Variants in ADGRL3 observed in about 807,000 individuals in gnomAD.
The protein encoded by ADGRL3 is adhesion G protein-coupled receptor L3.
Under a neutral mutation model 153.5 loss-of-function variants are expected in ADGRL3, and 62 were observed. That is an observed-to-expected ratio of 0.40 (90% confidence interval 0.33 to 0.50). ADGRL3 has a LOEUF of 0.50. Among genes scored for constraint, ADGRL3 ranks in the 20% least tolerant of loss-of-function variants. ADGRL3 has a pLI of 0.47. For synonymous variants in ADGRL3, 710 were observed against 672.5 expected, an observed-to-expected ratio of 1.06 and a Z score of -0.86; for missense variants, 1,641 against 1,859.4, an observed-to-expected ratio of 0.88 and a Z score of 2.16.
intron 9 of ADGRL3, among the ~76,000 whole-genome samples, chr4:61,847,981 ATATAT>A (rs1178992281): frequency 2.6e-4 from 3 of 11,364 alleles, no homozygotes; most frequent in Non-Finnish European, 4.5e-4. Context: ...ATAATATAAA[ATATAT>A]TATATATATA....
chr4:61,311,898 T>G (rs1394746287), intron 1 of ADGRL3, among the ~76,000 whole-genome samples: 1 of 152,112 alleles, frequency 6.6e-6, no homozygotes, highest in Non-Finnish European at 1.5e-5. Context: ...CTTCAGGTGA[T>G]AAGGATGTGT....
intron 4 of ADGRL3, among the ~76,000 whole-genome samples, chr4:61,525,976 T>C (rs928268439): frequency 2.0e-5 from 3 of 151,896 alleles, no homozygotes; most frequent in Non-Finnish European, 4.4e-5. Flanking sequence ...GATAAAGAGA[T>C]TGATTGGGGA....
chr4:61,204,725 A>C (rs978252898), intron 1 of ADGRL3, among the ~76,000 whole-genome samples: 1 of 152,204 alleles, frequency 6.6e-6, no homozygotes, highest in African/African-American at 2.4e-5. Flanking sequence ...GATTAACTCA[A>C]AGTTTTATAT....
At chr4:61,639,310 T>C (rs2093563928) in intron 5 of ADGRL3, among the ~76,000 whole-genome samples, 1 of 152,144 alleles carries the variant, frequency 6.6e-6, no homozygotes, top group South Asian at 2.1e-4. Context: ...GTCTTAGGTG[T>C]AAGATATGAG....
chr4:61,626,692 A>G (rs931931198), intron 5 of ADGRL3, among the ~76,000 whole-genome samples: 2 of 152,138 alleles, frequency 1.3e-5, no homozygotes, highest in African/African-American at 4.8e-5. Context: ...CTAGTTTTAA[A>G]GTGATATAGA....
At chr4:61,487,860 G>T (rs1365135216) in intron 2 of ADGRL3, among the ~76,000 whole-genome samples, 1 of 151,898 alleles carries the variant, frequency 6.6e-6, no homozygotes, top group East Asian at 1.9e-4. Flanking sequence ...AATTATTGGG[G>T]AGTCAAGCAA....
Position 62,077,211 on chromosome 4 carries a change from A to G in ADGRL3, c.*6303A>G, listed in dbSNP as rs914120861. On this transcript the variant is annotated 3_prime_UTR_variant, in exon 27 of 27. Coordinates refer to ENST00000683033, the MANE Select transcript of ADGRL3 (RefSeq NM_001387552.1). ...GAAGAGGAAAGTAAAGCAGACTTCT[A>G]ACTATTTAATTTAAACATTGCCATT... 1.3e-5 allele frequency: 2 copies of G among 151,960 alleles called. No individual in the cohort carries two copies. Among genetic ancestry groups the G allele is most frequent in the Admixed American group, 6.6e-5 (1 of 15,234 alleles). 9.4% of individuals were successfully genotyped at this position (151,960 alleles called of 1,614,324 possible). A position where few individuals can be genotyped will look rare whatever the true frequency, so the allele number is the denominator to read the frequency against.
chr4:61,745,858 A>G (rs1231543216), intron 8 of ADGRL3, among the ~76,000 whole-genome samples: 2 of 152,286 alleles, frequency 1.3e-5, no homozygotes, highest in Admixed American at 1.3e-4. Flanking sequence ...CACACATAAC[A>G]ATATTAACTT....
intron 5 of ADGRL3, among the ~76,000 whole-genome samples, chr4:61,596,395 T>C (rs1328741301): frequency 6.6e-6 from 1 of 152,204 alleles, no homozygotes; most frequent in Non-Finnish European, 1.5e-5. Flanking sequence ...AACCTTTTGC[T>C]AATAAGTTAT....
chr4:61,416,616 G>A (rs75363906), intron 2 of ADGRL3, among the ~76,000 whole-genome samples: 4,406 of 152,204 alleles, frequency 0.029, 210 homozygotes, highest in East Asian at 0.21. Context: ...CAACATTCAT[G>A]CATATGATCA....
Position 61,369,828 on chromosome 4 carries a change from G to A in ADGRL3, c.-239-13296G>A, listed in dbSNP as rs572047543. Among the ~76,000 whole-genome samples the A allele has an allele frequency of 7.2e-3, 1,088 of 152,154 alleles. 21 individuals carry two copies. The highest frequency in any genetic ancestry group is 0.025 in the African/African-American group (1,028 of 41,502). ...GGTACCAGTTCCTCCTTGTACCTCT[G>A]GTAGAATTCGGCTGTGAATCCATCT... On this transcript the variant is annotated intron_variant, in intron 1 of 26. Coordinates refer to ENST00000683033, the MANE Select transcript of ADGRL3 (RefSeq NM_001387552.1).
At chr4:61,537,732 A>T (rs985397364) in intron 4 of ADGRL3, among the ~76,000 whole-genome samples, 1 of 152,114 alleles carries the variant, frequency 6.6e-6, no homozygotes, top group Non-Finnish European at 1.5e-5. Flanking sequence ...ATAGAGAGAG[A>T]CATTTAATTC....
At chr4:61,765,937 C>T (rs1406724938) in intron 8 of ADGRL3, among the ~76,000 whole-genome samples, 1 of 152,004 alleles carries the variant, frequency 6.6e-6, no homozygotes, top group Admixed American at 6.6e-5. Flanking sequence ...GATAGATTTC[C>T]ATGATGGAAA....
At chr4:61,269,708 A>G (rs993758530) in intron 1 of ADGRL3, among the ~76,000 whole-genome samples, 1 of 151,752 alleles carries the variant, frequency 6.6e-6, no homozygotes, top group Admixed American at 6.6e-5. Context: ...GGCTAGATCT[A>G]TTATTTTACA....
At chr4:61,758,137 G>A (rs995133547) in intron 8 of ADGRL3, among the ~76,000 whole-genome samples, 4 of 151,960 alleles carry the variant, frequency 2.6e-5, no homozygotes, top group African/African-American at 4.8e-5. Context: ...TCTATTAGGT[G>A]CAGAGCTGAG....
chr4:61,512,634 T>C (rs889244417), intron 3 of ADGRL3, among the ~76,000 whole-genome samples: 29 of 152,066 alleles, frequency 1.9e-4, no homozygotes, highest in African/African-American at 7.0e-4. Context: ...GGAACAAGAT[T>C]TTGAGTATGT....
chr4:61,421,420 G>A (rs1357463199), intron 2 of ADGRL3, among the ~76,000 whole-genome samples: 1 of 151,646 alleles, frequency 6.6e-6, no homozygotes, highest in Non-Finnish European at 1.5e-5. Flanking sequence ...CAAATGAGAT[G>A]CATGTGAAAA....
At chr4:61,504,651 T>C (rs2098415487) in intron 3 of ADGRL3, among the ~76,000 whole-genome samples, 2 of 152,124 alleles carry the variant, frequency 1.3e-5, no homozygotes, top group Admixed American at 6.6e-5. Context: ...TCTTCATCTT[T>C]CTCCTCTCCA....
chr4:61,617,586 A>G (rs1437655011), intron 5 of ADGRL3, among the ~76,000 whole-genome samples: 4 of 152,182 alleles, frequency 2.6e-5, no homozygotes, highest in South Asian at 2.1e-4. Flanking sequence ...CTGCAACTCA[A>G]TTAGAAAGAA....
Sources: gnomAD v4.1 joint callset for allele counts (sites outside exome capture counted in the v4.1 genomes callset) on GRCh38, gnomAD v4.1.1 for gene constraint, MANE v1.5 for transcripts, NCBI Gene and HGNC (gene_info 2026-07-23, HGNC 2026-07-21) for gene names.